The following ADGRB2 variants were observed in gnomAD, a reference collection of about 807,000 sequenced individuals.
The protein encoded by ADGRB2 is adhesion G protein-coupled receptor B2.
A neutral mutation model predicts 178.7 loss-of-function variants in ADGRB2; 47 were observed. The observed-to-expected ratio is 0.26, with a 90% CI of 0.21 to 0.34. The LOEUF is 0.34. Ranked by LOEUF, ADGRB2 falls within the 10% of genes least tolerant of loss-of-function variation. ADGRB2 has a pLI of 1.00. For synonymous variants in ADGRB2, 870 were observed against 912.4 expected (o/e 0.95, Z 0.84); for missense variants, 1,584 against 2,180.8 (o/e 0.73, Z 5.45).
intron 1 of ADGRB2, among the ~76,000 whole-genome samples, chr1:31,763,555 A>G (rs950310945): frequency 7.4e-5 from 11 of 148,266 alleles, no homozygotes; most frequent in African/African-American, 2.0e-4. Context: ...CGAGATAGGG[A>G]AAGACTCGAG....
Position 31,759,836 on chromosome 1 carries a change from A to C in ADGRB2, c.-190-2325T>G, listed in dbSNP as rs1359469877. Among the ~76,000 whole-genome samples, 2 of 152,104 alleles carry C rather than the reference A, an allele frequency of 1.3e-5. No homozygotes were observed. The highest frequency in any genetic ancestry group is 4.8e-5 in the African/African-American group (2 of 41,402). The stretch of plus-strand genomic sequence containing the variant: ...TGAGCCACCCGGGAAGGGGACCTAG[A>C]AGGATGATCCTTGCCTCACAGGCAG... On this transcript the variant is annotated intron_variant, in intron 1 of 32. Coordinates refer to ENST00000373658, the MANE Select transcript of ADGRB2 (RefSeq NM_001364857.2). The surrounding 1 kb of genome is among the most constrained non-coding windows in gnomAD (Gnocchi z 4.3).
intron 1 of ADGRB2, among the ~76,000 whole-genome samples, chr1:31,757,770 T>C (rs184998304): frequency 6.6e-6 from 1 of 152,316 alleles, no homozygotes; most frequent in African/African-American, 2.4e-5. Flanking sequence ...CTCTCTCCTA[T>C]ACTGTTTCCC....
rs1227814851 is a variant in ADGRB2 at position 31,756,002 on chromosome 1, A to T, written c.835T>A (p.Tyr279Asn). The T allele has an allele frequency of 6.2e-7, 1 of 1,604,382 alleles. No individual in the cohort carries two copies. Among genetic ancestry groups the T allele is most frequent in the Middle Eastern group, 1.7e-4 (1 of 6,038 alleles). Residue 279 changes from tyrosine (Y) to asparagine (N), a missense_variant, in exon 4 of 33, where the codon TAT becomes AAT. Around this residue, in one of 3 missense-constraint regions of ADGRB2, gnomAD observed 657 missense variants for 847.6 expected, o/e 0.78. Transcript: ENST00000373658. This position sits in a 1 kb window ranked among gnomAD's most constrained non-coding sequence, Gnocchi z 8.5. ...SNDLFTTEMR[Y>N]GEEPEEEPKV... ...CCCAGGCCCTGCTGAGACTCACCAT[A>T]TCTCATCTCGGTTGTGAACAGATCA...
chr1:31,727,700 T>C lies in ADGRB2; in HGVS notation c.4573-95A>G. 2 of 1,286,846 alleles carry C rather than the reference T, an allele frequency of 1.6e-6. No homozygotes were observed. The highest frequency in any genetic ancestry group is 2.1e-6 in the Non-Finnish European group (2 of 970,790). 79.7% of individuals were successfully genotyped at this position (1,286,846 alleles called of 1,614,324 possible). A position where few individuals can be genotyped will look rare whatever the true frequency, so the allele number is the denominator to read the frequency against. On this transcript the variant is annotated intron_variant, in intron 32 of 32. Coordinates refer to ENST00000373658, the MANE Select transcript of ADGRB2 (RefSeq NM_001364857.2). The surrounding 1 kb of genome is among the most constrained non-coding windows in gnomAD (Gnocchi z 4.4). ...GAGGAGTCCCAGAGAGGGCTGGTAA[T>C]GCCCAAAGTTATGGAGCAATCAGGT...
chr1:31,739,511 C>T lies in ADGRB2; in HGVS notation c.2292G>A (p.Glu764=). 1 of 1,613,124 alleles carries T rather than the reference C, an allele frequency of 6.2e-7. No homozygotes were observed. Among genetic ancestry groups the T allele is most frequent in the Non-Finnish European group, 8.5e-7 (1 of 1,179,948 alleles). ...TCCCTGGGGAGGAGAGGCTGAGCAC[C>T]TCCTTGGGCAGGAAGAGGCGGTCCT... ...HSEDRLFLPK[E]VLSLSSPGKP... The change falls in exon 15 of 33, where the codon GAG becomes GAA. Residue 764 remains glutamate, a synonymous_variant. Transcript: ENST00000373658.
At chr1:31,738,464 T>G in intron 17 of ADGRB2, 123 bp downstream of exon 17, 1 of 1,529,972 alleles carries the variant, frequency 6.5e-7, no homozygotes. Context: ...CCAGGATACG[T>G]TCTTGACCCC....
At position 31,728,004 on chromosome 1, in the gene ADGRB2, A is replaced by ACCCAGC; in HGVS notation, c.4572+15_4572+20dup. ...GGGTCCCTCAGGCCCACCTCACCCC[A>ACCCAGC]CCCAGCCCGGGGGGACTCACGGTGC... On this transcript the variant is annotated intron_variant, in intron 32 of 32. Coordinates refer to ENST00000373658, the MANE Select transcript of ADGRB2 (RefSeq NM_001364857.2). The surrounding 1 kb of genome is among the most constrained non-coding windows in gnomAD (Gnocchi z 6.7). 1 of 1,542,076 alleles carries ACCCAGC rather than the reference A, an allele frequency of 6.5e-7. No homozygotes were observed. Among genetic ancestry groups the ACCCAGC allele is most frequent in the Non-Finnish European group, 8.7e-7 (1 of 1,148,478 alleles).
In ADGRB2 at chr1:31,740,481, C is replaced by T; in HGVS notation, c.1855G>A (p.Val619Met). 6.2e-7 allele frequency: 1 copy of T among 1,613,232 alleles called. No homozygotes were observed. Among genetic ancestry groups the T allele is most frequent in the South Asian group, 1.1e-5 (1 of 91,008 alleles). Reference protein sequence around the residue: ...MLAGEGMSQVVRSLQELLARR... With the variant: ...MLAGEGMSQVMRSLQELLARR... The stretch of plus-strand genomic sequence containing the variant: ...GCCAGTAGCTCCTGCAGGCTGCGCA[C>T]CACCTGCGACATGCCCTCGCCTGCC... The change falls in exon 12 of 33, where the codon GTG becomes ATG. Residue 619 changes from valine to methionine, a missense_variant. Val to Met is a conservative substitution (Grantham distance 21). Around this residue, in one of 3 missense-constraint regions of ADGRB2, gnomAD observed 62 missense variants for 140.3 expected, o/e 0.44. Coordinates refer to ENST00000373658, the MANE Select transcript of ADGRB2 (RefSeq NM_001364857.2). This position sits in a 1 kb window ranked among gnomAD's most constrained non-coding sequence, Gnocchi z 5.9.
In ADGRB2 at chr1:31,761,238, C is replaced by G. The variant is rs1270579629; in HGVS notation, c.-191+2646G>C. Reference sequence around the variant, plus strand: ...CACTACCCAGAGGACTTCCAGCCATCACAGGTTCGAGTCCCCTTCCTCCGT... The same window carrying G: ...CACTACCCAGAGGACTTCCAGCCATGACAGGTTCGAGTCCCCTTCCTCCGT... On this transcript the variant is annotated intron_variant, in intron 1 of 32. Coordinates refer to ENST00000373658, the MANE Select transcript of ADGRB2 (RefSeq NM_001364857.2). This position sits in a 1 kb window ranked among gnomAD's most constrained non-coding sequence, Gnocchi z 4.2. Among the ~76,000 whole-genome samples the G allele has an allele frequency of 6.6e-6, 1 of 152,234 alleles. No homozygotes were observed. Among genetic ancestry groups the G allele is most frequent in the African/African-American group, 2.4e-5 (1 of 41,466 alleles).
rs1328584691 is a variant in ADGRB2, at chr1:31,756,885, G to A, written c.22-70C>T. On this transcript the variant is annotated intron_variant, in intron 3 of 32. Transcript: ENST00000373658. This position sits in a 1 kb window ranked among gnomAD's most constrained non-coding sequence, Gnocchi z 8.5. ...ATGGGCTCTGAACCTTCTATGGTGA[G>A]CTGCGGGAGTGGGCCTCATAAGTTA... 1 of 1,391,236 alleles carries A rather than the reference G, an allele frequency of 7.2e-7. No individual in the cohort carries two copies. Among genetic ancestry groups the A allele is most frequent in the East Asian group, 2.5e-5 (1 of 39,834 alleles). The allele number at this position is 1,391,236 out of a possible 1,614,324, so 86.2% of individuals were successfully genotyped here.
Position 31,742,913 on chromosome 1 carries a change from G to T in ADGRB2, c.1177C>A (p.Pro393Thr), listed in dbSNP as rs1334110662. The change falls in exon 7 of 33, where the codon CCC becomes ACC. Residue 393 changes from proline to threonine, a missense_variant. By Grantham distance (38) the Pro-to-Thr change is conservative (BLOSUM62 -1). Around this residue, in one of 3 missense-constraint regions of ADGRB2, gnomAD observed 657 missense variants for 847.6 expected, o/e 0.78. Coordinates refer to ENST00000373658, the MANE Select transcript of ADGRB2 (RefSeq NM_001364857.2). Reference sequence around the variant, plus strand: ...CAGGCCTTGCCGCCGTGCTGGGGGGGCACGCAGGTCCGCATCCGGCTCCGG... The same window carrying T: ...CAGGCCTTGCCGCCGTGCTGGGGGGTCACGCAGGTCCGCATCCGGCTCCGG... ...GSRSRMRTCV[P>T]PQHGGKACEG... The T allele has an allele frequency of 3.2e-6, 5 of 1,542,234 alleles. No homozygotes were observed. The highest frequency in any genetic ancestry group is 1.2e-5 in the South Asian group (1 of 83,218).
chr1:31,750,722 C>T (rs1646523279), intron 4 of ADGRB2, among the ~76,000 whole-genome samples: 1 of 152,118 alleles, frequency 6.6e-6, no homozygotes, highest in South Asian at 2.1e-4. Flanking sequence ...CCATGGCACC[C>T]CATCCCCAGC....
At chr1:31,736,856 G>C (rs1569835917) in intron 20 of ADGRB2, 133 bp from the exon 21 acceptor site, 1 of 1,372,184 alleles carries the variant, frequency 7.3e-7, no homozygotes, top group Non-Finnish European at 9.7e-7. Context: ...AGCCCTGCCA[G>C]GCACCCCCGC....
chr1:31,747,637 C>T (rs990838849), intron 4 of ADGRB2, among the ~76,000 whole-genome samples: 1 of 152,134 alleles, frequency 6.6e-6, no homozygotes, highest in African/African-American at 2.4e-5. Context: ...TCAGAAATAC[C>T]CCCAACTCTC....
chr1:31,741,657 T>C lies in ADGRB2; in HGVS notation c.1654A>G (p.Ile552Val). ...TTCGGGGGGCACTTGTTGTAGATGATCTCGCCAGCAGCTGCCTTCTTCCAC... is the reference window on the plus strand; with the variant it reads ...TTCGGGGGGCACTTGTTGTAGATGACCTCGCCAGCAGCTGCCTTCTTCCAC... ...MTWKKAAAGE[I>V]IYNKCPPNAS... The change falls in exon 10 of 33, where the codon ATC becomes GTC. Residue 552 changes from isoleucine (I) to valine (V), a missense_variant. By Grantham distance (29) the Ile-to-Val change is conservative (BLOSUM62 3). Transcript: ENST00000373658. The surrounding 1 kb of genome is among the most constrained non-coding windows in gnomAD (Gnocchi z 6.5). The C allele has an allele frequency of 6.2e-7, 1 of 1,614,000 alleles. No individual in the cohort carries two copies. The highest frequency in any genetic ancestry group is 8.5e-7 in the Non-Finnish European group (1 of 1,179,978).
chr1:31,737,004 G>C (rs1293509892), intron 20 of ADGRB2, among the ~76,000 whole-genome samples: 1 of 152,206 alleles, frequency 6.6e-6, no homozygotes, highest in African/African-American at 2.4e-5. Context: ...CACCTGCCAC[G>C]TCACAGCTGG....
chr1:31,739,486 T>C lies in ADGRB2; in HGVS notation c.2317A>G (p.Lys773Glu), dbSNP rs1173483692. 2 of 1,612,184 alleles carry C rather than the reference T, an allele frequency of 1.2e-6. No homozygotes were observed. Among genetic ancestry groups the C allele is most frequent in the African/African-American group, 2.7e-5 (2 of 74,916 alleles). Residue 773 changes from lysine to glutamate, a missense_variant, in exon 15 of 33, where the codon AAG becomes GAG. By Grantham distance (56) the Lys-to-Glu change is moderately conservative. This residue lies in a region of ADGRB2 where 865 missense variants were observed against 1,192.8 expected (regional missense o/e 0.73). Transcript: ENST00000373658. ...CCTGCTGCCCCAGATGTGGCTGGCT[T>C]CCCTGGGGAGGAGAGGCTGAGCACC... ...KEVLSLSSPG[K>E]PATSGAAGSP... is the part of the protein sequence containing the mutation.
At chr1:31,757,736 G>T (rs538166725) in intron 1 of ADGRB2, among the ~76,000 whole-genome samples, 1 of 152,262 alleles carries the variant, frequency 6.6e-6, no homozygotes, top group South Asian at 2.1e-4. Flanking sequence ...CTACCCACCT[G>T]TGAAGCCACC....
chr1:31,729,391 C>T (rs1017562320), intron 29 of ADGRB2, among the ~76,000 whole-genome samples: 20 of 152,046 alleles, frequency 1.3e-4, no homozygotes, highest in Admixed American at 1.1e-3. Context: ...GGGCCCATGG[C>T]ATTCACTCTC....
Sources: gnomAD v4.1 joint callset for allele counts (sites outside exome capture counted in the v4.1 genomes callset) on GRCh38, gnomAD v4.1.1 for gene constraint, gnomAD v4.1.1 regional missense constraint, Gnocchi (gnomAD v3.1) non-coding constraint, MANE v1.5 for transcripts, NCBI Gene and HGNC (gene_info 2026-07-23, HGNC 2026-07-21) for gene names.